The following TRAPPC9 variants were observed in gnomAD, a reference collection of about 807,000 sequenced individuals.
The protein encoded by TRAPPC9 is trafficking protein particle complex subunit 9.
A neutral mutation model predicts 124.0 loss-of-function variants in TRAPPC9; 83 were observed. That is an observed-to-expected ratio of 0.67 (90% CI 0.56 to 0.80). TRAPPC9 has a LOEUF of 0.80. Among genes scored for constraint, TRAPPC9 ranks in the 30% least tolerant of loss-of-function variants. TRAPPC9 has a pLI of 0.00. For missense variants in TRAPPC9, 1,302 were observed against 1,508.3 expected (o/e 0.86, Z 2.27); for synonymous variants, 638 against 617.5 (o/e 1.03, Z -0.49).
At chr8:140,396,528 C>T (rs546799854) in intron 7 of TRAPPC9, among the ~76,000 whole-genome samples, 4 of 151,662 alleles carry the variant, frequency 2.6e-5, no homozygotes, top group African/African-American at 9.7e-5. Flanking sequence ...AGACTCTGTC[C>T]TCCCTACCCC....
At chr8:140,354,723 T>C (rs2067686758) in intron 9 of TRAPPC9, among the ~76,000 whole-genome samples, 1 of 152,214 alleles carries the variant, frequency 6.6e-6, no homozygotes, top group Admixed American at 6.5e-5. Flanking sequence ...AGTCTGTGAA[T>C]AGCACCATGA....
intron 17 of TRAPPC9, among the ~76,000 whole-genome samples, chr8:140,073,185 C>T (rs2129855013): frequency 6.6e-6 from 1 of 152,298 alleles, no homozygotes; most frequent in Non-Finnish European, 1.5e-5. Flanking sequence ...AACAATTCTA[C>T]CCCTTAATAA....
intron 2 of TRAPPC9, among the ~76,000 whole-genome samples, chr8:140,446,824 A>G (rs13276488): frequency 0.56 from 84,302 of 151,798 alleles, 23,568 homozygotes; most frequent in Non-Finnish European, 0.57. Flanking sequence ...GAACCACCGC[A>G]CCCAGCCTGG....
intron 17 of TRAPPC9, among the ~76,000 whole-genome samples, chr8:140,155,730 G>A (rs1285314667): frequency 3.3e-5 from 5 of 152,172 alleles, no homozygotes; most frequent in African/African-American, 1.2e-4. Context: ...CAAAAAAGCA[G>A]GATAGCTAAA....
chr8:140,144,671 G>C (rs1215847810), intron 17 of TRAPPC9, among the ~76,000 whole-genome samples: 6 of 152,068 alleles, frequency 3.9e-5, no homozygotes, highest in African/African-American at 1.4e-4. Context: ...ATTTTAAGTA[G>C]AGACGGGGTT....
chr8:140,147,609 T>G (rs1267320299), intron 17 of TRAPPC9, among the ~76,000 whole-genome samples: 1 of 152,200 alleles, frequency 6.6e-6, no homozygotes, highest in Admixed American at 6.5e-5. Context: ...CTTAGCAACA[T>G]GATTACAGTT....
intron 18 of TRAPPC9, among the ~76,000 whole-genome samples, chr8:140,000,504 A>G (rs1284772856): frequency 6.6e-6 from 1 of 152,280 alleles, no homozygotes; most frequent in African/African-American, 2.4e-5. Flanking sequence ...GCTAATATCC[A>G]GAATCTACAA....
At chr8:140,361,689 AT>A (rs1442131797) in intron 8 of TRAPPC9, among the ~76,000 whole-genome samples, 1 of 152,116 alleles carries the variant, frequency 6.6e-6, no homozygotes, top group African/African-American at 2.4e-5. Flanking sequence ...TGAGTCCTCC[AT>A]TTTTTTAAAT....
intron 17 of TRAPPC9, among the ~76,000 whole-genome samples, chr8:140,198,902 A>T (rs113989704): frequency 2.6e-5 from 4 of 152,176 alleles, no homozygotes; most frequent in African/African-American, 9.7e-5. Flanking sequence ...AGCACATTCA[A>T]CGTGCCAGAT....
At chr8:139,955,940 C>T (rs1194994905) in intron 19 of TRAPPC9, among the ~76,000 whole-genome samples, 2 of 152,186 alleles carry the variant, frequency 1.3e-5, no homozygotes, top group Non-Finnish European at 2.9e-5. Context: ...CTCCCTCATG[C>T]TCAACTATGG....
intron 16 of TRAPPC9, among the ~76,000 whole-genome samples, chr8:140,244,693 GATA>G (rs2063936504): frequency 6.6e-6 from 1 of 151,724 alleles, no homozygotes; most frequent in South Asian, 2.1e-4. Context: ...CGATCTTCTG[GATA>G]ATTCCTTCAT....
chr8:139,975,072 A>G (rs1198125745), intron 19 of TRAPPC9, among the ~76,000 whole-genome samples: 1 of 152,144 alleles, frequency 6.6e-6, no homozygotes, highest in Non-Finnish European at 1.5e-5. Flanking sequence ...GCTGGAAAGC[A>G]CCACCAAGAA....
At chr8:139,847,895 C>A (rs1827196495) in intron 21 of TRAPPC9, among the ~76,000 whole-genome samples, 1 of 152,226 alleles carries the variant, frequency 6.6e-6, no homozygotes, top group African/African-American at 2.4e-5. Context: ...CCCTCCAAGG[C>A]AAAAAGCTCA....
At chr8:139,793,462 G>T (rs1822839511) in intron 21 of TRAPPC9, among the ~76,000 whole-genome samples, 1 of 152,190 alleles carries the variant, frequency 6.6e-6, no homozygotes, top group Non-Finnish European at 1.5e-5. Flanking sequence ...GCCTTCACAG[G>T]CTCCTGCCCG....
chr8:140,207,560 T>C (rs1354674330), intron 17 of TRAPPC9, among the ~76,000 whole-genome samples: 1 of 152,236 alleles, frequency 6.6e-6, no homozygotes, highest in Non-Finnish European at 1.5e-5. Context: ...ACATGGATCA[T>C]GCTGAACGCA....
In TRAPPC9 at chr8:139,827,189, G is replaced by A. The variant is rs1043245561; in HGVS notation, c.3055+58690C>T. On this transcript the variant is annotated intron_variant, in intron 21 of 22. Transcript: ENST00000438773. ...TAGAGCCCGGGAAGCGCCTACAGCA[G>A]GTCTCGGCCTGGAGCAGGGCCTCGC... Among the ~76,000 whole-genome samples, 11 of 152,248 alleles carry A rather than the reference G, an allele frequency of 7.2e-5. 1 individual carries two copies. The highest frequency in any genetic ancestry group is 2.2e-4 in the African/African-American group (9 of 41,472).
intron 21 of TRAPPC9, among the ~76,000 whole-genome samples, chr8:139,861,241 C>A (rs1327074646): frequency 2.6e-5 from 4 of 152,216 alleles, no homozygotes; most frequent in Non-Finnish European, 4.4e-5. Context: ...GGAACGAGTT[C>A]TTATTCCTGA....
intron 19 of TRAPPC9, among the ~76,000 whole-genome samples, chr8:139,947,683 A>C (rs1027796630): frequency 1.3e-5 from 2 of 151,516 alleles, no homozygotes; most frequent in Non-Finnish European, 2.9e-5. Context: ...AACATGGGGA[A>C]ACCCTGTCTC....
intron 17 of TRAPPC9, among the ~76,000 whole-genome samples, chr8:140,192,687 C>T (rs1358889759): frequency 6.6e-6 from 1 of 152,250 alleles, no homozygotes; most frequent in African/African-American, 2.4e-5. Flanking sequence ...ACATGGGTAA[C>T]TATTAACTAT....
Sources: gnomAD v4.1 joint callset for allele counts (sites outside exome capture counted in the v4.1 genomes callset) on GRCh38, gnomAD v4.1.1 for gene constraint, MANE v1.5 for transcripts, NCBI Gene and HGNC (gene_info 2026-07-23, HGNC 2026-07-21) for gene names.